Variants in KCNC1 observed in about 807,000 individuals in gnomAD.
KCNC1 encodes potassium voltage-gated channel subfamily C member 1, also known as voltage-gated potassium channel KCNC1.
In KCNC1, 8 loss-of-function variants were observed where a neutral mutation model predicts 43.4. That is an observed-to-expected ratio of 0.18 (90% CI 0.11 to 0.33). The LOEUF is 0.33. Among genes scored for constraint, KCNC1 ranks in the 10% least tolerant of loss-of-function variants. The probability of loss-of-function intolerance (pLI) is 1.00; values close to 1 mark genes in which losing one functional copy is unlikely to be tolerated. For missense variants in KCNC1, 420 were observed against 836.0 expected (o/e 0.50, Z 6.14); for synonymous variants, 361 against 360.5 (o/e 1.00, Z -0.01).
In KCNC1 at chr11:17,773,584, C is replaced by A. The variant is rs1849255708; in HGVS notation, c.1504+986C>A. On this transcript the variant is annotated intron_variant, in intron 2 of 3. Transcript: ENST00000265969. The surrounding 1 kb of genome is among the most constrained non-coding windows in gnomAD (Gnocchi z 4.1). ...CGGGAGGGGGGAGGGGGGCATGAAACAATACTAGTCACCGTGGGATATATT... is the reference window on the plus strand; with the variant it reads ...CGGGAGGGGGGAGGGGGGCATGAAAAAATACTAGTCACCGTGGGATATATT... The A allele has an allele frequency of 4.3e-5, 42 of 985,340 alleles. No individual in the cohort carries two copies. The highest frequency in any genetic ancestry group is 5.1e-5 in the Non-Finnish European group (42 of 829,970). The allele number at this position is 985,340 out of a possible 1,614,324, so 61.0% of individuals were successfully genotyped here.
intron 1 of KCNC1, among the ~76,000 whole-genome samples, chr11:17,738,953 TAGG>T (rs773682944): frequency 2.2e-4 from 33 of 152,146 alleles, no homozygotes; most frequent in South Asian, 4.2e-4. Flanking sequence ...CTGAGGCCCG[TAGG>T]AGGAGGGACC....
intron 1 of KCNC1, among the ~76,000 whole-genome samples, chr11:17,770,267 G>T (rs893915974): frequency 6.6e-6 from 1 of 152,286 alleles, no homozygotes; most frequent in African/African-American, 2.4e-5. Context: ...GAACAAAGGT[G>T]TCACGCCTTG....
chr11:17,739,673 CTGTGTGTGTGTG>C lies in KCNC1; in HGVS notation c.570+3119_570+3130del, dbSNP rs10534547. 2.8e-5 allele frequency among the ~76,000 whole-genome samples: 4 copies of C among 143,004 alleles called. No individual in the cohort carries two copies. The highest frequency in any genetic ancestry group is 3.1e-5 in the Non-Finnish European group (2 of 64,810). 93.8% of individuals were successfully genotyped at this position (143,004 alleles called of 152,430 possible). On this transcript the variant is annotated intron_variant, in intron 1 of 3. Coordinates refer to ENST00000265969, the MANE Select transcript of KCNC1 (RefSeq NM_001112741.2). This position sits in a 1 kb window ranked among gnomAD's most constrained non-coding sequence, Gnocchi z 4.2. Reference sequence around the variant, plus strand: ...GTATATGTGGAGCTCATGTGTGAGTCTGTGTGTGTGTGTGTGTGTGTGTGTGTGTACATGCGT... The same window carrying C: ...GTATATGTGGAGCTCATGTGTGAGTCTGTGTGTGTGTGTGTGTACATGCGT...
Position 17,736,778 on chromosome 11 carries a change from C to T in KCNC1, c.570+206C>T, listed in dbSNP as rs925240235. On this transcript the variant is annotated intron_variant, in intron 1 of 3. Transcript: ENST00000265969. This position sits in a 1 kb window ranked among gnomAD's most constrained non-coding sequence, Gnocchi z 9.3. Reference sequence around the variant, plus strand: ...CTATGTATGTCAGTCTGTGTGTTGCCAAGTTTAATATGTATGAGTATGAAT... The same window carrying T: ...CTATGTATGTCAGTCTGTGTGTTGCTAAGTTTAATATGTATGAGTATGAAT... 1.5e-4 allele frequency among the ~76,000 whole-genome samples: 23 copies of T among 152,198 alleles called. No homozygotes were observed. Among genetic ancestry groups the T allele is most frequent in the African/African-American group, 5.3e-4 (22 of 41,536 alleles).
At chr11:17,762,548 G>A (rs1849090164) in intron 1 of KCNC1, among the ~76,000 whole-genome samples, 1 of 152,198 alleles carries the variant, frequency 6.6e-6, no homozygotes, top group African/African-American at 2.4e-5. Context: ...AAAGCAGGCG[G>A]GTGTGACGTC....
chr11:17,776,535 A>AG lies in KCNC1; in HGVS notation c.1505-2921_1505-2920insG. On this transcript the variant is annotated intron_variant, in intron 2 of 3. Coordinates refer to ENST00000265969, the MANE Select transcript of KCNC1 (RefSeq NM_001112741.2). This position sits in a 1 kb window ranked among gnomAD's most constrained non-coding sequence, Gnocchi z 4.4. Reference sequence around the variant, plus strand: ...TCCTTGCTCCAAAGTTTAAAAAAAAATGACCCTCTCGCAGATGCTCATCTC... The same window carrying AG: ...TCCTTGCTCCAAAGTTTAAAAAAAAAGTGACCCTCTCGCAGATGCTCATCTC... 1 of 985,412 alleles carries AG rather than the reference A, an allele frequency of 1.0e-6. No homozygotes were observed. The highest frequency in any genetic ancestry group is 1.7e-5 in the African/African-American group (1 of 57,366). 61.0% of individuals were successfully genotyped at this position (985,412 alleles called of 1,614,324 possible).
chr11:17,781,504 T>A lies in KCNC1; in HGVS notation c.1694-166T>A, dbSNP rs945614973. On this transcript the variant is annotated intron_variant, in intron 3 of 3. Transcript: ENST00000265969. The surrounding 1 kb of genome is among the most constrained non-coding windows in gnomAD (Gnocchi z 5.1). ...CCAGGAGGGAGAGAAAGAGGCGTGC[T>A]AGGCTGGCTCAGTGCATGGGCAAAC... The A allele has an allele frequency of 1.7e-6, 1 of 602,194 alleles. No homozygotes were observed. Among genetic ancestry groups the A allele is most frequent in the African/African-American group, 1.9e-5 (1 of 54,000 alleles). The allele number at this position is 602,194 out of a possible 1,614,324, so 37.3% of individuals were successfully genotyped here.
At chr11:17,757,322 A>G (rs1439741087) in intron 1 of KCNC1, among the ~76,000 whole-genome samples, 1 of 152,230 alleles carries the variant, frequency 6.6e-6, no homozygotes, top group African/African-American at 2.4e-5. Context: ...TGCAGGAGGG[A>G]TGTCTCAGGG....
intron 1 of KCNC1, among the ~76,000 whole-genome samples, chr11:17,738,915 C>G (rs566829055): frequency 2.0e-5 from 3 of 152,294 alleles, no homozygotes; most frequent in African/African-American, 7.2e-5. Context: ...TTGTCCCTTC[C>G]AGCTCCCTCG....
At chr11:17,780,077 A>T (rs1849329178) in intron 3 of KCNC1, 1 of 156,906 alleles carries the variant, frequency 6.4e-6, no homozygotes, top group African/African-American at 2.4e-5. Flanking sequence ...GCTACACAAG[A>T]TCCGTGTTCT....
In KCNC1 at chr11:17,775,441, G is replaced by C. The variant is rs1590108099; in HGVS notation, c.1504+2843G>C. 14 of 985,446 alleles carry C rather than the reference G, an allele frequency of 1.4e-5. 1 individual carries two copies. Among genetic ancestry groups the C allele is most frequent in the South Asian group, 1.4e-4 (3 of 21,288 alleles). 61.0% of individuals were successfully genotyped at this position (985,446 alleles called of 1,614,324 possible). ...GCTGGCATGGCCTCAGTGTCTGAGG[G>C]CTTGTCCTGGGAGGGGTATCAAGAA... On this transcript the variant is annotated intron_variant, in intron 2 of 3. Coordinates refer to ENST00000265969, the MANE Select transcript of KCNC1 (RefSeq NM_001112741.2).
intron 1 of KCNC1, among the ~76,000 whole-genome samples, chr11:17,758,293 C>T (rs1431784951): frequency 6.6e-6 from 1 of 152,258 alleles, no homozygotes; most frequent in Admixed American, 6.5e-5. Context: ...ACTTCTAATT[C>T]TAGCTCTCTT....
chr11:17,740,264 G>A (rs1043558907), intron 1 of KCNC1, among the ~76,000 whole-genome samples: 1 of 152,184 alleles, frequency 6.6e-6, no homozygotes, highest in Non-Finnish European at 1.5e-5. Flanking sequence ...TGAGCTCCAC[G>A]TGTGTTCTGG....
At chr11:17,766,953 C>T (rs147873112) in intron 1 of KCNC1, among the ~76,000 whole-genome samples, 2 of 122,098 alleles carry the variant, frequency 1.6e-5, no homozygotes, top group African/African-American at 3.2e-5. Context: ...AACCCCATCT[C>T]TACTAAAAAA....
Position 17,751,872 on chromosome 11 carries a change from A to G in KCNC1, c.570+15300A>G, listed in dbSNP as rs554336539. On this transcript the variant is annotated intron_variant, in intron 1 of 3. Coordinates refer to ENST00000265969, the MANE Select transcript of KCNC1 (RefSeq NM_001112741.2). The stretch of plus-strand genomic sequence containing the variant: ...GGTTTCAGTCTGCTCCGGAGTAGGG[A>G]GGTCTCTCTTCCTCCTCAGGTCCCC... 2.5e-3 allele frequency among the ~76,000 whole-genome samples: 378 copies of G among 152,212 alleles called. 2 individuals carry two copies. The highest frequency in any genetic ancestry group is 4.0e-3 in the Non-Finnish European group (272 of 68,000).
At chr11:17,764,279 A>G (rs1186669870) in intron 1 of KCNC1, among the ~76,000 whole-genome samples, 3 of 128,990 alleles carry the variant, frequency 2.3e-5, no homozygotes, top group African/African-American at 1.2e-4. Flanking sequence ...ACAAAGTTCC[A>G]TACACACACT....
Position 17,776,095 on chromosome 11 carries a change from TGTC to T in KCNC1, c.1505-3360_1505-3358del. ...TGTGGGCCCTGAGTGGGGTCTTTGT[TGTC>T]CTCAGGTGGGCTGTGGGGGAAGTAG... is the stretch of plus-strand genomic sequence containing the variant. On this transcript the variant is annotated intron_variant, in intron 2 of 3. Transcript: ENST00000265969. The surrounding 1 kb of genome is among the most constrained non-coding windows in gnomAD (Gnocchi z 4.4). The T allele has an allele frequency of 1.0e-6, 1 of 985,390 alleles. No homozygotes were observed. The highest frequency in any genetic ancestry group is 1.7e-5 in the African/African-American group (1 of 57,322). The allele number at this position is 985,390 out of a possible 1,614,324, so 61.0% of individuals were successfully genotyped here. A position where few individuals can be genotyped will look rare whatever the true frequency, so the allele number is the denominator to read the frequency against.
Position 17,735,921 on chromosome 11 carries a change from C to G in KCNC1, c.-82C>G. 1 of 1,368,342 alleles carries G rather than the reference C, an allele frequency of 7.3e-7. No individual in the cohort carries two copies. Among genetic ancestry groups the G allele is most frequent in the Non-Finnish European group, 9.4e-7 (1 of 1,065,280 alleles). 84.8% of individuals were successfully genotyped at this position (1,368,342 alleles called of 1,614,324 possible). A position where few individuals can be genotyped will look rare whatever the true frequency, so the allele number is the denominator to read the frequency against. On this transcript the variant is annotated 5_prime_UTR_variant, in exon 1 of 4. Transcript: ENST00000265969. The surrounding 1 kb of genome is among the most constrained non-coding windows in gnomAD (Gnocchi z 6.7). The stretch of plus-strand genomic sequence containing the variant: ...GGGGGAGGGGGGAAGAGGGCGCGCG[C>G]CCCCCTCCCCGGCGCCAACTCCCCC...
In KCNC1 at chr11:17,776,848, A is replaced by G; in HGVS notation, c.1505-2608A>G. 1.0e-6 allele frequency: 1 copy of G among 985,568 alleles called. No individual in the cohort carries two copies. The highest frequency in any genetic ancestry group is 5.2e-4 in the Middle Eastern group (1 of 1,916). 61.1% of individuals were successfully genotyped at this position (985,568 alleles called of 1,614,324 possible). On this transcript the variant is annotated intron_variant, in intron 2 of 3. Transcript: ENST00000265969. The surrounding 1 kb of genome is among the most constrained non-coding windows in gnomAD (Gnocchi z 4.4). The stretch of plus-strand genomic sequence containing the variant: ...TCAAGCCACCCCTCTGGAGTTGGGG[A>G]GGGAGAATGCCCCAGTTTCTGAAAG...
Sources: allele counts gnomAD v4.1 joint callset (sites outside exome capture counted in the v4.1 genomes callset), GRCh38; gene constraint gnomAD v4.1.1; non-coding constraint Gnocchi (gnomAD v3.1); transcripts MANE v1.5; gene names NCBI Gene and HGNC (gene_info 2026-07-23, HGNC 2026-07-21).